FCHSD2: variants seen among roughly 807,000 people sequenced by gnomAD.
FCHSD2 encodes F-BAR and double SH3 domains protein 2.
In FCHSD2, 38 loss-of-function variants were observed where a neutral mutation model predicts 108.1. The observed-to-expected ratio is 0.35, with a 90% CI of 0.27 to 0.46. The LOEUF is 0.46. Ranked by LOEUF, FCHSD2 falls within the 20% of genes least tolerant of loss-of-function variation. The pLI is 1.00. For synonymous variants in FCHSD2, 279 were observed against 314.7 expected, an observed-to-expected ratio of 0.89 and a Z score of 1.20; for missense variants, 751 against 897.8, an observed-to-expected ratio of 0.84 and a Z score of 2.09.
Position 73,092,756 on chromosome 11 carries a change from A to G in FCHSD2, c.120-9016T>C, listed in dbSNP as rs1056910100. 4.6e-5 allele frequency among the ~76,000 whole-genome samples: 7 copies of G among 152,306 alleles called. No individual in the cohort carries two copies. The South Asian group carries it at 6.2e-4, about 14-fold the overall frequency. On this transcript the variant is annotated intron_variant, in intron 2 of 19. Coordinates refer to ENST00000409418, the MANE Select transcript of FCHSD2 (RefSeq NM_014824.3). Reference sequence around the variant, plus strand: ...CAAGTTTCTTGACTTTGGTCACATTATATCAGTTAAAACAAGCATTTTGTG... The same window carrying G: ...CAAGTTTCTTGACTTTGGTCACATTGTATCAGTTAAAACAAGCATTTTGTG...
chr11:73,040,397 T>C (rs1449972618), intron 3 of FCHSD2, among the ~76,000 whole-genome samples: 1 of 152,232 alleles, frequency 6.6e-6, no homozygotes, highest in Non-Finnish European at 1.5e-5. Context: ...ATGTGAGATG[T>C]ATAAACACAT....
intron 2 of FCHSD2, among the ~76,000 whole-genome samples, chr11:73,098,026 T>G (rs1860132697): frequency 6.6e-6 from 1 of 152,156 alleles, no homozygotes; most frequent in Non-Finnish European, 1.5e-5. Context: ...AGTACCAACT[T>G]TAGTTTCATT....
At chr11:72,930,563 G>C (rs540348279) in intron 8 of FCHSD2, among the ~76,000 whole-genome samples, 1 of 152,238 alleles carries the variant, frequency 6.6e-6, no homozygotes, top group African/African-American at 2.4e-5. Context: ...TCACCAACAA[G>C]GTGAAACCCC....
At chr11:72,930,295 A>G (rs868090485) in intron 8 of FCHSD2, among the ~76,000 whole-genome samples, 1 of 152,334 alleles carries the variant, frequency 6.6e-6, no homozygotes, top group Middle Eastern at 3.4e-3. Flanking sequence ...CACTGCTGTC[A>G]CCAATCACAG....
At chr11:72,844,198 C>T (rs565794161) in intron 14 of FCHSD2, among the ~76,000 whole-genome samples, 153 of 152,184 alleles carry the variant, frequency 1.0e-3, no homozygotes, top group Non-Finnish European at 1.9e-3. Flanking sequence ...GAAGCAAAGG[C>T]AAACGAGAAG....
chr11:72,928,042 T>G (rs1446110997), intron 8 of FCHSD2, among the ~76,000 whole-genome samples: 1 of 152,166 alleles, frequency 6.6e-6, no homozygotes, highest in African/African-American at 2.4e-5. Context: ...AGATAAAGGA[T>G]AAAGGTAAAG....
At chr11:72,982,244 C>T (rs1316797598) in intron 8 of FCHSD2, among the ~76,000 whole-genome samples, 1 of 152,168 alleles carries the variant, frequency 6.6e-6, no homozygotes, top group Non-Finnish European at 1.5e-5. Flanking sequence ...GCCTGAAGGT[C>T]CCGAGAACTG....
chr11:72,977,935 T>C (rs1295431600), intron 8 of FCHSD2, among the ~76,000 whole-genome samples: 1 of 152,204 alleles, frequency 6.6e-6, no homozygotes, highest in Non-Finnish European at 1.5e-5. Context: ...AATGATAGAC[T>C]GGATTAAGAA....
At chr11:73,009,947 G>A (rs565746256) in intron 4 of FCHSD2, among the ~76,000 whole-genome samples, 6 of 152,088 alleles carry the variant, frequency 3.9e-5, no homozygotes, top group South Asian at 2.1e-4. Context: ...TCTAAATCTC[G>A]TTAGACTTGG....
At chr11:72,878,802 C>CTTG (rs1555046411) in intron 12 of FCHSD2, among the ~76,000 whole-genome samples, 7 of 152,100 alleles carry the variant, frequency 4.6e-5, no homozygotes, top group Non-Finnish European at 4.4e-5. Flanking sequence ...ATTCCTAGAG[C>CTTG]TTGTACAGGG....
chr11:73,076,766 A>C (rs141731801), intron 3 of FCHSD2, among the ~76,000 whole-genome samples: 1 of 152,196 alleles, frequency 6.6e-6, no homozygotes, highest in African/African-American at 2.4e-5. Flanking sequence ...TAAATGAACA[A>C]ATTTTGTAAT....
chr11:72,841,454 C>A lies in FCHSD2; in HGVS notation c.2056G>T (p.Glu686Ter). ...LYFPRSPSAN[E>*]KSLHAESPGF... ...GACCCATGCCCAGGAGAACCCTTAC[C>A]GTTTGCTGAAGGAGACCGGGGAAAG... The change falls in exon 18 of 20, where the codon GAA becomes TAA. Residue 686 changes from glutamate to a stop codon, truncating the protein, a stop_gained and splice_region_variant. Coordinates refer to ENST00000409418, the MANE Select transcript of FCHSD2 (RefSeq NM_014824.3). LOFTEE classifies it high-confidence loss of function. 6.2e-7 allele frequency: 1 copy of A among 1,610,398 alleles called. No individual in the cohort carries two copies. The highest frequency in any genetic ancestry group is 1.3e-5 in the African/African-American group (1 of 74,830).
rs141394612 is a variant in FCHSD2 at position 73,117,312 on chromosome 11, T to C, written c.119+22719A>G. On this transcript the variant is annotated intron_variant, in intron 2 of 19. Coordinates refer to ENST00000409418, the MANE Select transcript of FCHSD2 (RefSeq NM_014824.3). ...CAAGCAGGAAGTGGAGAACTAAGAA[T>C]TCACAATCAGGCAATCTGGTTCAAG... 2.6e-5 allele frequency among the ~76,000 whole-genome samples: 4 copies of C among 152,318 alleles called. 1 individual carries two copies. The highest frequency in any genetic ancestry group is 9.6e-5 in the African/African-American group (4 of 41,586).
intron 2 of FCHSD2, among the ~76,000 whole-genome samples, chr11:73,133,125 G>C (rs896818732): frequency 6.6e-6 from 1 of 152,076 alleles, no homozygotes. Flanking sequence ...ACATGCACTG[G>C]CCATGACGTG....
At position 72,926,920 on chromosome 11, in the gene FCHSD2, G is replaced by A. The variant is rs548001939; in HGVS notation, c.706-4970C>T. 5.9e-5 allele frequency among the ~76,000 whole-genome samples: 9 copies of A among 152,270 alleles called. No homozygotes were observed. In the South Asian group the frequency reaches 1.9e-3, roughly 32 times the overall value. ...CAGATGTGCATTATTTAACATAAAAGAGTGAAAAAAATGGCGACTTGGTGC... is the reference window on the plus strand; with the variant it reads ...CAGATGTGCATTATTTAACATAAAAAAGTGAAAAAAATGGCGACTTGGTGC... On this transcript the variant is annotated intron_variant, in intron 8 of 19. Coordinates refer to ENST00000409418, the MANE Select transcript of FCHSD2 (RefSeq NM_014824.3).
At chr11:72,961,719 T>C (rs1036918710) in intron 8 of FCHSD2, among the ~76,000 whole-genome samples, 4 of 152,208 alleles carry the variant, frequency 2.6e-5, no homozygotes, top group African/African-American at 9.7e-5. Context: ...TCTCTAAAGA[T>C]TGCTGTCATT....
intron 5 of FCHSD2, among the ~76,000 whole-genome samples, chr11:72,995,669 A>T (rs1437951928): frequency 1.3e-5 from 2 of 150,912 alleles, no homozygotes; most frequent in Non-Finnish European, 2.9e-5. Context: ...ATGCCACTGC[A>T]CTCTAGCAGG....
At chr11:72,921,417 A>G (rs1855973951) in intron 9 of FCHSD2, among the ~76,000 whole-genome samples, 2 of 152,126 alleles carry the variant, frequency 1.3e-5, no homozygotes, top group African/African-American at 2.4e-5. Flanking sequence ...AACCCAAGAC[A>G]CTGTTGTTTT....
chr11:73,054,340 C>A (rs998680855), intron 3 of FCHSD2, among the ~76,000 whole-genome samples: 4 of 151,932 alleles, frequency 2.6e-5, no homozygotes, highest in African/African-American at 9.7e-5. Flanking sequence ...TGCCCAGACC[C>A]TTAAAACGAT....
Sources: gnomAD v4.1 joint callset for allele counts (sites outside exome capture counted in the v4.1 genomes callset) on GRCh38, gnomAD v4.1.1 for gene constraint, MANE v1.5 for transcripts, NCBI Gene and HGNC (gene_info 2026-07-23, HGNC 2026-07-21) for gene names.